Variants in FSTL4 observed in about 807,000 individuals in gnomAD.
FSTL4 encodes the protein follistatin like 4.
Under a neutral mutation model 78.2 loss-of-function variants are expected in FSTL4, and 28 were observed. The observed-to-expected ratio is 0.36, with a 90% CI of 0.27 to 0.49. The LOEUF is 0.49. Among genes scored for constraint, FSTL4 ranks in the 20% least tolerant of loss-of-function variants. The probability of loss-of-function intolerance (pLI) is 0.98; values close to 1 mark genes in which losing one functional copy is unlikely to be tolerated. For missense variants in FSTL4, 922 were observed against 1,084.9 expected, an observed-to-expected ratio of 0.85 and a Z score of 2.11; for synonymous variants, 422 against 440.5, an observed-to-expected ratio of 0.96 and a Z score of 0.53.
chr5:133,458,638 A>G (rs970472264), intron 3 of FSTL4, among the ~76,000 whole-genome samples: 2 of 152,220 alleles, frequency 1.3e-5, no homozygotes, highest in African/African-American at 4.8e-5. Context: ...CCTGGGTCCC[A>G]TCTGTGGACT....
chr5:133,338,617 G>A lies in FSTL4; in HGVS notation c.410-21965C>T, dbSNP rs1335493552. Among the ~76,000 whole-genome samples, 2 of 151,952 alleles carry A rather than the reference G, an allele frequency of 1.3e-5. No homozygotes were observed. Among genetic ancestry groups the A allele is most frequent in the Admixed American group, 6.6e-5 (1 of 15,258 alleles). On this transcript the variant is annotated intron_variant, in intron 4 of 15. Transcript: ENST00000265342. The surrounding 1 kb of genome is among the most constrained non-coding windows in gnomAD (Gnocchi z 4.0). ...AGCCCAGTATCCACTATCCTCTCTT[G>A]AGCTCCTGATGTCCCACCCCACTGT...
At chr5:133,523,999 A>C (rs1302304771) in intron 3 of FSTL4, among the ~76,000 whole-genome samples, 6 of 152,246 alleles carry the variant, frequency 3.9e-5, no homozygotes, top group African/African-American at 1.4e-4. Context: ...CAGGAACGTC[A>C]GTGGTGGTCT....
intron 8 of FSTL4, among the ~76,000 whole-genome samples, chr5:133,233,166 G>A (rs1013108007): frequency 6.6e-6 from 1 of 152,248 alleles, no homozygotes; most frequent in African/African-American, 2.4e-5. Flanking sequence ...GAGCGTGACT[G>A]GCCTGAATGG....
chr5:133,304,990 G>A (rs1486399890), intron 6 of FSTL4, among the ~76,000 whole-genome samples: 1 of 152,212 alleles, frequency 6.6e-6, no homozygotes, highest in Non-Finnish European at 1.5e-5. Context: ...GCAGATGCAT[G>A]CACTCAGCTG....
At chr5:133,459,768 G>T (rs1252005583) in intron 3 of FSTL4, among the ~76,000 whole-genome samples, 2 of 151,594 alleles carry the variant, frequency 1.3e-5, no homozygotes, top group African/African-American at 4.8e-5. Flanking sequence ...TTTGGGAAGT[G>T]AAATGCTGTG....
At chr5:133,237,200 C>A (rs1751687926) in intron 7 of FSTL4, among the ~76,000 whole-genome samples, 1 of 152,208 alleles carries the variant, frequency 6.6e-6, no homozygotes, top group Non-Finnish European at 1.5e-5. Context: ...TTGTCCCCTT[C>A]TCCGTCCTGC....
chr5:133,748,597 A>G, the FSTL4 span, among the ~76,000 whole-genome samples: 2 of 152,068 alleles, frequency 1.3e-5, no homozygotes, highest in Non-Finnish European at 2.9e-5. Context: ...AATAAGACAA[A>G]AGAGAGTTCC....
chr5:133,706,640 C>T, the FSTL4 span, among the ~76,000 whole-genome samples: 1 of 152,178 alleles, frequency 6.6e-6, no homozygotes, highest in South Asian at 2.1e-4. Context: ...TTCATCCACC[C>T]TTTACTGTGC....
chr5:133,447,455 G>A (rs191673281), intron 3 of FSTL4, among the ~76,000 whole-genome samples: 1 of 152,318 alleles, frequency 6.6e-6, no homozygotes, highest in African/African-American at 2.4e-5. Context: ...TCATAAGATG[G>A]TAGGTCTGGT....
At chr5:133,728,395 C>A in the FSTL4 span, among the ~76,000 whole-genome samples, 5 of 152,198 alleles carry the variant, frequency 3.3e-5, no homozygotes. Context: ...TACCTTCAAC[C>A]AGGGAAGTAG....
intron 4 of FSTL4, among the ~76,000 whole-genome samples, chr5:133,377,803 C>A (rs998460663): frequency 7.2e-5 from 11 of 152,072 alleles, no homozygotes; most frequent in African/African-American, 2.7e-4. Flanking sequence ...AGAAATTCAA[C>A]AATCTTCAAG....
chr5:133,694,520 G>A, the FSTL4 span, among the ~76,000 whole-genome samples: 2 of 152,236 alleles, frequency 1.3e-5, no homozygotes, highest in African/African-American at 2.4e-5. Flanking sequence ...TTCTCCTGGC[G>A]CTCACAGCCT....
chr5:133,830,634 G>A, the FSTL4 span, among the ~76,000 whole-genome samples: 4 of 152,246 alleles, frequency 2.6e-5, no homozygotes, highest in Middle Eastern at 3.4e-3. Context: ...TGAAAAAACC[G>A]AGCCTCAGGC....
the FSTL4 span, among the ~76,000 whole-genome samples, chr5:133,760,405 G>C: frequency 6.6e-6 from 1 of 152,198 alleles, no homozygotes; most frequent in African/African-American, 2.4e-5. Flanking sequence ...TGGTGCAACT[G>C]GTGGGTCTCT....
At chr5:133,731,788 A>G in the FSTL4 span, among the ~76,000 whole-genome samples, 2 of 152,196 alleles carry the variant, frequency 1.3e-5, no homozygotes, top group East Asian at 3.8e-4. Context: ...CCGGAGAGGA[A>G]GCAGACAGAC....
At chr5:133,584,863 G>A (rs1406056665) in intron 2 of FSTL4, among the ~76,000 whole-genome samples, 1 of 46,418 alleles carries the variant, frequency 2.2e-5, no homozygotes, top group African/African-American at 7.2e-5. Context: ...AGGAAAAAAT[G>A]TTAAGGGCAG....
At chr5:133,622,058 C>T in the FSTL4 span, among the ~76,000 whole-genome samples, 7 of 152,126 alleles carry the variant, frequency 4.6e-5, no homozygotes, top group Non-Finnish European at 8.8e-5. Flanking sequence ...TCTCCCTCCC[C>T]CCTTATCCCT....
chr5:133,742,472 A>G, the FSTL4 span, among the ~76,000 whole-genome samples: 1 of 152,256 alleles, frequency 6.6e-6, no homozygotes, highest in Admixed American at 6.5e-5. Context: ...TTGGTGACAG[A>G]GACACCTACA....
rs1287721896 is a variant in FSTL4, at chr5:133,611,898, G to C, written c.-11+427C>G. On this transcript the variant is annotated intron_variant, in intron 1 of 15. Coordinates refer to ENST00000265342, the MANE Select transcript of FSTL4 (RefSeq NM_015082.2). The surrounding 1 kb of genome is among the most constrained non-coding windows in gnomAD (Gnocchi z 4.9). The stretch of plus-strand genomic sequence containing the variant: ...CACCGGGCCCGGGCCGAGGGGCCGC[G>C]CTCGCCTGGCTCCGCCGGGGCCGCT... 6.6e-6 allele frequency among the ~76,000 whole-genome samples: 1 copy of C among 151,990 alleles called. No homozygotes were observed. Among genetic ancestry groups the C allele is most frequent in the Admixed American group, 6.5e-5 (1 of 15,276 alleles).
Sources: allele counts gnomAD v4.1 joint callset (sites outside exome capture counted in the v4.1 genomes callset), GRCh38; gene constraint gnomAD v4.1.1; non-coding constraint Gnocchi (gnomAD v3.1); transcripts MANE v1.5; gene names NCBI Gene and HGNC (gene_info 2026-07-23, HGNC 2026-07-21).